The following PEAK1 variants were observed in gnomAD, a reference collection of about 807,000 sequenced individuals.
PEAK1 encodes inactive tyrosine-protein kinase PEAK1.
Under a neutral mutation model 124.7 loss-of-function variants are expected in PEAK1, and 54 were observed. That is an observed-to-expected ratio of 0.43 (90% CI 0.35 to 0.54). The LOEUF is 0.54. Ranked by LOEUF, PEAK1 falls within the 20% of genes least tolerant of loss-of-function variation. The probability of loss-of-function intolerance (pLI) is 0.01; values close to 1 mark genes in which losing one functional copy is unlikely to be tolerated. For missense variants in PEAK1, 2,046 were observed against 2,134.5 expected (o/e 0.96, Z 0.82); for synonymous variants, 719 against 760.0 (o/e 0.95, Z 0.89).
At chr15:77,419,671 G>A in intron 1 of PEAK1, 1 of 985,126 alleles carries the variant, frequency 1.0e-6, no homozygotes, top group Middle Eastern at 5.2e-4. Flanking sequence ...CGCGCCCGGG[G>A]GCGTCCCTCG....
chr15:77,217,442 G>A (rs1285068781), intron 6 of PEAK1, among the ~76,000 whole-genome samples: 1 of 152,104 alleles, frequency 6.6e-6, no homozygotes, highest in Non-Finnish European at 1.5e-5. Context: ...TGAGTGTTTT[G>A]AGAAAGTTAG....
chr15:77,399,400 A>G (rs935276576), intron 1 of PEAK1, among the ~76,000 whole-genome samples: 1 of 152,218 alleles, frequency 6.6e-6, no homozygotes, highest in Admixed American at 6.5e-5. Context: ...GAGGAATCAC[A>G]TTACCTTACT....
intron 8 of PEAK1, among the ~76,000 whole-genome samples, chr15:77,149,058 A>C (rs2054379982): frequency 6.6e-6 from 1 of 152,228 alleles, no homozygotes; most frequent in Non-Finnish European, 1.5e-5. Context: ...TATAAAGCAG[A>C]TGTCACTATT....
chr15:77,212,086 T>C (rs1369038217), intron 6 of PEAK1, among the ~76,000 whole-genome samples: 3 of 152,172 alleles, frequency 2.0e-5, no homozygotes, highest in Non-Finnish European at 4.4e-5. Flanking sequence ...GAAGATGTTC[T>C]AGAAACTAAA....
intron 1 of PEAK1, among the ~76,000 whole-genome samples, chr15:77,414,778 GTAT>G (rs1251905478): frequency 1.3e-5 from 2 of 152,244 alleles, no homozygotes; most frequent in Non-Finnish European, 2.9e-5. Flanking sequence ...ATAGAAGCTA[GTAT>G]TATTTGCTCT....
rs373457297 is a variant in PEAK1, at chr15:77,114,505, C to T, written c.4892G>A (p.Arg1631His). The stretch of plus-strand genomic sequence containing the variant: ...CTGCAGACCCCGGGAGTAGGGGGAG[C>T]GGAATGGGATGCGAGGCAGGTCTGC... ...TRADLPRIPF[R>H]SPYSRGLQQL... Residue 1631 changes from arginine (R) to histidine (H), a missense_variant, in exon 10 of 10, where the codon CGC (arginine) becomes CAC (histidine). By Grantham distance (29) the Arg-to-His change is conservative (BLOSUM62 0). Transcript: ENST00000682557. The T allele has an allele frequency of 2.3e-5, 37 of 1,613,882 alleles. No individual in the cohort carries two copies. The East Asian group carries it at 2.9e-4, about 13-fold the overall frequency.
intron 7 of PEAK1, among the ~76,000 whole-genome samples, chr15:77,159,405 C>A (rs1455095615): frequency 2.6e-5 from 4 of 152,186 alleles, no homozygotes; most frequent in Non-Finnish European, 5.9e-5. Context: ...TCTTGTTTTA[C>A]CATTGCCTGC....
At chr15:77,297,595 C>T (rs924185298) in intron 2 of PEAK1, among the ~76,000 whole-genome samples, 6 of 151,508 alleles carry the variant, frequency 4.0e-5, no homozygotes, top group Admixed American at 3.9e-4. Flanking sequence ...CTCATTTCTA[C>T]TAAAAATACA....
At chr15:77,413,875 G>A (rs1001036611) in intron 1 of PEAK1, among the ~76,000 whole-genome samples, 3 of 152,148 alleles carry the variant, frequency 2.0e-5, no homozygotes, top group East Asian at 1.9e-4. Context: ...CCAGACTGGG[G>A]TGCAGTGGTG....
At chr15:77,154,909 GC>G (rs1423714627) in intron 8 of PEAK1, among the ~76,000 whole-genome samples, 12 of 152,046 alleles carry the variant, frequency 7.9e-5, no homozygotes, top group African/African-American at 2.4e-4. Context: ...CTCTCTGGCT[GC>G]CCTTAACATT....
intron 9 of PEAK1, among the ~76,000 whole-genome samples, chr15:77,121,906 T>C (rs1402749716): frequency 3.3e-5 from 5 of 152,192 alleles, no homozygotes; most frequent in African/African-American, 1.2e-4. Flanking sequence ...TTTTGTCATA[T>C]CACACAAAAG....
At chr15:77,280,346 A>G (rs2062599144) in intron 5 of PEAK1, among the ~76,000 whole-genome samples, 1 of 152,088 alleles carries the variant, frequency 6.6e-6, no homozygotes, top group Non-Finnish European at 1.5e-5. Context: ...CTCCATCTCA[A>G]AAAAAAGGTC....
chr15:77,224,396 C>A (rs1027860011), intron 6 of PEAK1, among the ~76,000 whole-genome samples: 1 of 151,986 alleles, frequency 6.6e-6, no homozygotes, highest in Non-Finnish European at 1.5e-5. Context: ...ATACACTGTT[C>A]TTTTGTCTGA....
chr15:77,234,781 A>G (rs2060045148), intron 6 of PEAK1, among the ~76,000 whole-genome samples: 2 of 152,064 alleles, frequency 1.3e-5, no homozygotes, highest in South Asian at 4.2e-4. Flanking sequence ...GACTACAGGT[A>G]TGGACCACCA....
chr15:77,266,968 A>G (rs2061769193), intron 5 of PEAK1, among the ~76,000 whole-genome samples: 1 of 146,936 alleles, frequency 6.8e-6, no homozygotes, highest in Admixed American at 6.9e-5. Flanking sequence ...CCTGGAAATC[A>G]GCTCTGTGTT....
chr15:77,116,084 C>CAAGG lies in PEAK1; in HGVS notation c.4078-769_4078-766dup, dbSNP rs539885802. Reference sequence around the variant, plus strand: ...AGAACTTTACTAAGTGGTTATGGATCAAGGAAGAATTTTTTGATCAAAAAA... The same window carrying CAAGG: ...AGAACTTTACTAAGTGGTTATGGATCAAGGAAGGAAGAATTTTTTGATCAAAAAA... On this transcript the variant is annotated intron_variant, in intron 9 of 9. Coordinates refer to ENST00000682557, the MANE Select transcript of PEAK1 (RefSeq NM_001385026.1). Among the ~76,000 whole-genome samples, 614 of 152,202 alleles carry CAAGG rather than the reference C, an allele frequency of 4.0e-3. 4 individuals are homozygous for CAAGG. The highest frequency in any genetic ancestry group is 0.014 in the African/African-American group (580 of 41,502).
intron 1 of PEAK1, chr15:77,419,545 C>T (rs1269075413): frequency 2.0e-6 from 2 of 985,124 alleles, no homozygotes; most frequent in African/African-American, 3.5e-5. Flanking sequence ...CCGATGCTCC[C>T]GGGTGCGGGA....
At chr15:77,132,550 C>A (rs1055447358) in intron 9 of PEAK1, among the ~76,000 whole-genome samples, 3 of 152,084 alleles carry the variant, frequency 2.0e-5, no homozygotes, top group Admixed American at 2.0e-4. Context: ...TAAAAATTAG[C>A]GGGGCGTGGT....
intron 5 of PEAK1, among the ~76,000 whole-genome samples, chr15:77,253,244 T>TGGGGGG (rs377748179): frequency 2.4e-5 from 3 of 126,918 alleles, no homozygotes; most frequent in Non-Finnish European, 3.5e-5. Flanking sequence ...TTGGTATGCG[T>TGGGGGG]TGGGGGGGGG....
Sources: gnomAD v4.1 joint callset for allele counts (sites outside exome capture counted in the v4.1 genomes callset) on GRCh38, gnomAD v4.1.1 for gene constraint, MANE v1.5 for transcripts, NCBI Gene and HGNC (gene_info 2026-07-23, HGNC 2026-07-21) for gene names.